Variants in CCPG1 observed in about 807,000 individuals in gnomAD.
The protein encoded by CCPG1 is cell cycle progression 1.
A neutral mutation model predicts 81.3 loss-of-function variants in CCPG1; 46 were observed. That is an observed-to-expected ratio of 0.57 (90% CI 0.45 to 0.72). The LOEUF (loss-of-function observed/expected upper bound fraction) is 0.72, where lower values mean the gene tolerates loss of function less well. Among genes scored for constraint, CCPG1 ranks in the 30% least tolerant of loss-of-function variants. CCPG1 has a pLI of 0.00. For synonymous variants in CCPG1, 330 were observed against 305.2 expected, an observed-to-expected ratio of 1.08 and a Z score of -0.85; for missense variants, 902 against 937.6, an observed-to-expected ratio of 0.96 and a Z score of 0.50.
chr15:55,370,883 A>T (rs532481293), intron 6 of CCPG1, among the ~76,000 whole-genome samples: 15 of 128,146 alleles, frequency 1.2e-4, no homozygotes, highest in Non-Finnish European at 2.1e-4. Flanking sequence ...CTCAAAAAAA[A>T]AGAAAAAAAA....
At chr15:55,406,610 T>C (rs2057229549) in intron 1 of CCPG1, among the ~76,000 whole-genome samples, 1 of 151,740 alleles carries the variant, frequency 6.6e-6, no homozygotes, top group Non-Finnish European at 1.5e-5. Flanking sequence ...AATTTTTGTA[T>C]TTTTAGTAGA....
At chr15:55,380,146 AAAAT>A (rs1368343032) in intron 3 of CCPG1, among the ~76,000 whole-genome samples, 1 of 151,776 alleles carries the variant, frequency 6.6e-6, no homozygotes, top group African/African-American at 2.4e-5. Flanking sequence ...AGAAAAGTTA[AAAAT>A]AATATAACAT....
Position 55,388,082 on chromosome 15 carries a change from C to T in CCPG1, c.60+1283G>A, listed in dbSNP as rs796078346. Among the ~76,000 whole-genome samples the T allele has an allele frequency of 2.2e-4, 34 of 151,706 alleles. 1 individual carries two copies. The highest frequency in any genetic ancestry group is 4.6e-4 in the African/African-American group (19 of 41,430). On this transcript the variant is annotated intron_variant, in intron 2 of 8. Coordinates refer to ENST00000442196, the MANE Select transcript of CCPG1 (RefSeq NM_001204450.2). ...AGGAGAATGGCTTGAACCCAGGAGG[C>T]GAAGGTTGCTGTGAGCCGAGATTGC...
At chr15:55,368,514 G>A (rs139362553) in intron 6 of CCPG1, among the ~76,000 whole-genome samples, 198 of 152,192 alleles carry the variant, frequency 1.3e-3, no homozygotes, top group African/African-American at 4.4e-3. Flanking sequence ...CCGAAGAGCC[G>A]GGTAGTCTAT....
rs553060264 is a variant in CCPG1 at position 55,396,326 on chromosome 15, C to T, written c.-9-6893G>A. 7.9e-5 allele frequency among the ~76,000 whole-genome samples: 12 copies of T among 152,136 alleles called. No individual in the cohort carries two copies. The South Asian group carries it at 2.3e-3, about 29-fold the overall frequency. On this transcript the variant is annotated intron_variant, in intron 1 of 8. Coordinates refer to ENST00000442196, the MANE Select transcript of CCPG1 (RefSeq NM_001204450.2). Reference sequence around the variant, plus strand: ...CAGTTACAAAGGCTAAGAAATCATACGGTTATAAAAAGAAGAATACTTTGT... The same window carrying T: ...CAGTTACAAAGGCTAAGAAATCATATGGTTATAAAAAGAAGAATACTTTGT...
At chr15:55,405,150 C>A (rs62018148) in intron 1 of CCPG1, among the ~76,000 whole-genome samples, 2 of 151,520 alleles carry the variant, frequency 1.3e-5, no homozygotes, top group African/African-American at 4.9e-5. Flanking sequence ...CACCTGAGGT[C>A]GGGAGTTTGA....
intron 3 of CCPG1, among the ~76,000 whole-genome samples, chr15:55,384,566 G>A (rs921427851): frequency 1.3e-5 from 2 of 152,082 alleles, no homozygotes; most frequent in South Asian, 4.1e-4. Context: ...GAGGCAGGAG[G>A]ATAACTTGAA....
chr15:55,365,411 T>G (rs1356149055), intron 6 of CCPG1, 102 bp from the exon 7 acceptor site: 1 of 653,352 alleles, frequency 1.5e-6, no homozygotes, highest in Non-Finnish European at 2.5e-6. Context: ...CTATGTAGTC[T>G]TTTTTTTGTT....
At position 55,355,922 on chromosome 15, in the gene CCPG1, C is replaced by A; in HGVS notation, c.*298G>T. On this transcript the variant is annotated 3_prime_UTR_variant, in exon 9 of 9. Transcript: ENST00000442196. ...TGACTGAGCTTGCTTTAAGCTCTTA[C>A]ACTGAAAGGAAGTCTCATTTCATGC... is the stretch of plus-strand genomic sequence containing the variant. 2.6e-6 allele frequency: 1 copy of A among 383,102 alleles called. No individual in the cohort carries two copies. The highest frequency in any genetic ancestry group is 2.1e-5 in the African/African-American group (1 of 46,896). The allele number at this position is 383,102 out of a possible 1,614,324, so 23.7% of individuals were successfully genotyped here.
At chr15:55,380,100 T>TTA (rs1555408648) in intron 3 of CCPG1, among the ~76,000 whole-genome samples, 3 of 130,802 alleles carry the variant, frequency 2.3e-5, no homozygotes, top group African/African-American at 8.4e-5. Flanking sequence ...AACTCTGTCT[T>TTA]AAAAAAAAAA....
At chr15:55,361,946 T>G (rs1459608436) in intron 7 of CCPG1, among the ~76,000 whole-genome samples, 1 of 152,180 alleles carries the variant, frequency 6.6e-6, no homozygotes, top group African/African-American at 2.4e-5. Flanking sequence ...TATCCAATTT[T>G]ATGGTAAATT....
At chr15:55,357,307 A>G (rs896730799) in intron 8 of CCPG1, 4 of 984,262 alleles carry the variant, frequency 4.1e-6, no homozygotes, top group Admixed American at 6.2e-5. Flanking sequence ...AGAAATATCA[A>G]TGTTACTATT....
chr15:55,387,938 C>G (rs62018137), intron 2 of CCPG1, among the ~76,000 whole-genome samples: 147,243 of 149,878 alleles, frequency 0.98, 72,372 homozygotes, highest in East Asian at 1. Context: ...GATCACCTGG[C>G]GTCGGGAGTT....
rs747664502 is a variant in CCPG1 at position 55,376,987 on chromosome 15, G to A, written c.416C>T (p.Ser139Phe). The A allele has an allele frequency of 1.7e-5, 28 of 1,613,510 alleles. No homozygotes were observed. The highest frequency in any genetic ancestry group is 3.3e-5 in the Admixed American group (2 of 60,000). Reference sequence around the variant, plus strand: ...ACAGAAAGTATACTGGCTGCTAGAGGAAGAGCCCATGTTAAAGTCTTCTGA... The same window carrying A: ...ACAGAAAGTATACTGGCTGCTAGAGAAAGAGCCCATGTTAAAGTCTTCTGA... ...QSSEDFNMGS[S>F]SSSQYTFCQP... Residue 139 changes from serine to phenylalanine, a missense_variant, in exon 5 of 9, where the codon TCC becomes TTC. This residue lies in a region of CCPG1 where 746 missense variants were observed against 728.6 expected (regional missense o/e 1.02). Coordinates refer to ENST00000442196, the MANE Select transcript of CCPG1 (RefSeq NM_001204450.2).
intron 7 of CCPG1, among the ~76,000 whole-genome samples, chr15:55,361,271 G>C (rs192107366): frequency 1.3e-5 from 2 of 151,368 alleles, no homozygotes; most frequent in African/African-American, 4.9e-5. Context: ...GAGTTCAAGC[G>C]ACTCTCCAGC....
chr15:55,388,827 T>C (rs767729951), intron 2 of CCPG1, among the ~76,000 whole-genome samples: 31 of 149,510 alleles, frequency 2.1e-4, no homozygotes, highest in Non-Finnish European at 4.1e-4. Context: ...GCCCAGCATG[T>C]TGGGAAGCCG....
chr15:55,360,648 CAG>C lies in CCPG1; in HGVS notation c.1123_1124del (p.Leu375ValfsTer31), dbSNP rs765832386. ...TCTTTAGCATCTTTGCTTCTGTCAACAGAGTCTCCCTTTGACTAAGAAAGCTG... is the reference window on the plus strand; with the variant it reads ...TCTTTAGCATCTTTGCTTCTGTCAACAGTCTCCCTTTGACTAAGAAAGCTG... ...KHSFLSQRET[L>X]LTEAKMLKRE... On this transcript the variant is annotated frameshift_variant, in exon 8 of 9. Coordinates refer to ENST00000442196, the MANE Select transcript of CCPG1 (RefSeq NM_001204450.2). LOFTEE classifies it high-confidence loss of function. The C allele has an allele frequency of 4.3e-6, 7 of 1,614,146 alleles. No homozygotes were observed. Among genetic ancestry groups the C allele is most frequent in the South Asian group, 2.2e-5 (2 of 91,082 alleles).
In CCPG1 at chr15:55,376,956, T is replaced by G; in HGVS notation, c.447A>C (p.Pro149=). Residue 149 remains proline, a synonymous_variant, in exon 5 of 9, where the codon CCA becomes CCC. Coordinates refer to ENST00000442196, the MANE Select transcript of CCPG1 (RefSeq NM_001204450.2). ...TTATCAGTGTATTCTTACCAGTTTC[T>G]GGCTGACAGAAAGTATACTGGCTGC... is the stretch of plus-strand genomic sequence containing the variant. ...SSSSQYTFCQ[P]ETVFSSQPSD... 1 of 1,612,100 alleles carries G rather than the reference T, an allele frequency of 6.2e-7. No homozygotes were observed. The highest frequency in any genetic ancestry group is 8.5e-7 in the Non-Finnish European group (1 of 1,179,108).
intron 1 of CCPG1, among the ~76,000 whole-genome samples, chr15:55,392,802 C>T (rs1445327810): frequency 2.0e-5 from 3 of 152,134 alleles, no homozygotes; most frequent in Non-Finnish European, 2.9e-5. Context: ...CAGGCATAAG[C>T]GGTTGTATCT....
Sources: gnomAD v4.1 joint callset for allele counts (sites outside exome capture counted in the v4.1 genomes callset) on GRCh38, gnomAD v4.1.1 for gene constraint, gnomAD v4.1.1 regional missense constraint, MANE v1.5 for transcripts, NCBI Gene and HGNC (gene_info 2026-07-23, HGNC 2026-07-21) for gene names.